The following AGBL4 variants were observed in gnomAD, a reference collection of about 807,000 sequenced individuals.
AGBL4 encodes the protein AGBL carboxypeptidase 4.
A neutral mutation model predicts 66.4 loss-of-function variants in AGBL4; 58 were observed. That is an observed-to-expected ratio of 0.87 (90% CI 0.71 to 1.09). The LOEUF (loss-of-function observed/expected upper bound fraction) is 1.09. Ranked by LOEUF, AGBL4 falls within the 50% of genes least tolerant of loss-of-function variation. The pLI is 0.00. For missense variants in AGBL4, 579 were observed against 631.0 expected (o/e 0.92, Z 0.88); for synonymous variants, 234 against 222.9 (o/e 1.05, Z -0.44).
chr1:48,710,301 C>G (rs1300357371), intron 6 of AGBL4, among the ~76,000 whole-genome samples: 1 of 152,164 alleles, frequency 6.6e-6, no homozygotes, highest in East Asian at 1.9e-4. Context: ...CTGGGAAGGG[C>G]TTCTTACTGT....
At chr1:48,529,567 G>A (rs1045613439), downstream of AGBL4, among the ~76,000 whole-genome samples, 3 of 152,082 alleles carry the variant, frequency 2.0e-5, no homozygotes, top group South Asian at 2.1e-4. Flanking sequence ...TTCCTATTAC[G>A]TTATGTCTCC....
chr1:48,896,890 T>C (rs1483068260), intron 5 of AGBL4, among the ~76,000 whole-genome samples: 1 of 152,196 alleles, frequency 6.6e-6, no homozygotes, highest in Non-Finnish European at 1.5e-5. Flanking sequence ...TTGGGACTAG[T>C]TCTGAATGAG....
Position 48,752,010 on chromosome 1 carries a change from C to A in AGBL4, c.635-88769G>T, listed in dbSNP as rs188855365. On this transcript the variant is annotated intron_variant, in intron 6 of 13. Coordinates refer to ENST00000371839, the MANE Select transcript of AGBL4 (RefSeq NM_032785.4). The stretch of plus-strand genomic sequence containing the variant: ...ACTGATATTTTTCAGACAAACTACT[C>A]CACTTCTTATTACTAGGTCTCTTCC... Among the ~76,000 whole-genome samples the A allele has an allele frequency of 3.9e-4, 60 of 152,314 alleles. No homozygotes were observed. In the South Asian group the frequency reaches 6.2e-3, roughly 16 times the overall value.
chr1:49,496,029 T>C (rs991866688), intron 3 of AGBL4, among the ~76,000 whole-genome samples: 2 of 151,966 alleles, frequency 1.3e-5, no homozygotes, highest in African/African-American at 4.8e-5. Flanking sequence ...ACAGGGCCTG[T>C]GCCTCCCACA....
intron 2 of AGBL4, among the ~76,000 whole-genome samples, chr1:49,703,628 T>C (rs1174111469): frequency 2.0e-5 from 3 of 151,936 alleles, no homozygotes; most frequent in Admixed American, 2.0e-4. Flanking sequence ...ATATCATACT[T>C]AATGGTACAA....
chr1:49,123,631 T>C (rs1005712149), intron 4 of AGBL4, among the ~76,000 whole-genome samples: 1 of 152,182 alleles, frequency 6.6e-6, no homozygotes, highest in African/African-American at 2.4e-5. Flanking sequence ...CTAGGGTGTG[T>C]CTAAGGATGT....
chr1:50,020,269 C>A (rs993559375), intron 1 of AGBL4, among the ~76,000 whole-genome samples: 3 of 151,908 alleles, frequency 2.0e-5, no homozygotes, highest in African/African-American at 4.8e-5. Flanking sequence ...TATATAATTT[C>A]TTTTATATGT....
intron 3 of AGBL4, among the ~76,000 whole-genome samples, chr1:49,319,545 C>A (rs576979085): frequency 6.6e-6 from 1 of 152,136 alleles, no homozygotes; most frequent in Admixed American, 6.6e-5. Flanking sequence ...TGATCAAACT[C>A]CAGCTATTAT....
At chr1:49,901,312 G>C (rs1223653173) in intron 1 of AGBL4, among the ~76,000 whole-genome samples, 1 of 152,084 alleles carries the variant, frequency 6.6e-6, no homozygotes, top group African/African-American at 2.4e-5. Flanking sequence ...ATGTCCAAAA[G>C]CTCCTTGGTC....
intron 9 of AGBL4, among the ~76,000 whole-genome samples, chr1:48,602,971 T>C (rs2148366766): frequency 6.6e-6 from 1 of 152,204 alleles, no homozygotes; most frequent in East Asian, 1.9e-4. Flanking sequence ...GAAGACTGGG[T>C]GAAAGTATGG....
At chr1:48,603,976 A>C (rs963065987) in intron 9 of AGBL4, among the ~76,000 whole-genome samples, 1 of 151,618 alleles carries the variant, frequency 6.6e-6, no homozygotes, top group Non-Finnish European at 1.5e-5. Context: ...ACAACAACAA[A>C]AACCAAAAAT....
At chr1:49,924,352 C>T (rs1038042242) in intron 1 of AGBL4, among the ~76,000 whole-genome samples, 4 of 152,076 alleles carry the variant, frequency 2.6e-5, no homozygotes, top group African/African-American at 4.8e-5. Context: ...TGGCTTAATA[C>T]ATGGGTGATG....
In AGBL4 at chr1:49,496,073, G is replaced by A. The variant is rs141248332; in HGVS notation, c.282+201240C>T. On this transcript the variant is annotated intron_variant, in intron 3 of 13. Transcript: ENST00000371839. ...TACACAGGATAAAGACTGCAGGCAA[G>A]GCCAAGACTCAGAAGATTGAATGGG... Among the ~76,000 whole-genome samples the A allele has an allele frequency of 2.5e-4, 38 of 152,104 alleles. No individual in the cohort carries two copies. The East Asian group carries it at 6.6e-3, about 26-fold the overall frequency.
chr1:49,523,989 T>A (rs200701442), intron 3 of AGBL4, among the ~76,000 whole-genome samples: 11 of 151,826 alleles, frequency 7.2e-5, no homozygotes, highest in African/African-American at 2.7e-4. Flanking sequence ...ATCATCATCA[T>A]GAAGACAGCA....
intron 2 of AGBL4, among the ~76,000 whole-genome samples, chr1:49,699,195 AACATAT>A (rs1163437991): frequency 6.6e-6 from 1 of 152,074 alleles, no homozygotes; most frequent in Non-Finnish European, 1.5e-5. Context: ...GATAGTATCA[AACATAT>A]ACTTTCTTTG....
chr1:49,698,186 GT>G (rs1647022589), intron 2 of AGBL4, among the ~76,000 whole-genome samples: 1 of 152,062 alleles, frequency 6.6e-6, no homozygotes, highest in East Asian at 1.9e-4. Flanking sequence ...AGAAGAACTA[GT>G]TTAGTTTTAG....
intron 2 of AGBL4, among the ~76,000 whole-genome samples, chr1:49,839,143 G>A (rs72686759): frequency 0.032 from 4,796 of 152,182 alleles, 104 homozygotes; most frequent in Non-Finnish European, 0.052. Context: ...TGTTAAGAAA[G>A]CAGAGAAAAT....
chr1:48,707,290 T>C (rs554206013), intron 6 of AGBL4, among the ~76,000 whole-genome samples: 1 of 152,134 alleles, frequency 6.6e-6, no homozygotes, highest in South Asian at 2.1e-4. Context: ...TGAGACCCTA[T>C]ATCCAAAACA....
intron 4 of AGBL4, among the ~76,000 whole-genome samples, chr1:49,131,400 C>G (rs554717410): frequency 6.6e-6 from 1 of 152,068 alleles, no homozygotes; most frequent in African/African-American, 2.4e-5. Context: ...AATTACATCT[C>G]GATAAATTGA....
Sources: allele counts gnomAD v4.1 joint callset (sites outside exome capture counted in the v4.1 genomes callset), GRCh38; gene constraint gnomAD v4.1.1; transcripts MANE v1.5; gene names NCBI Gene and HGNC (gene_info 2026-07-23, HGNC 2026-07-21).